PRRC2A: variants seen among roughly 807,000 people sequenced by gnomAD.
The protein encoded by PRRC2A is proline rich coiled-coil 2A.
PRRC2A carries 59 observed loss-of-function variants against 224.6 expected under a neutral mutation model. The observed-to-expected ratio is 0.26, with a 90% CI of 0.21 to 0.33. The LOEUF is 0.33. Among genes scored for constraint, PRRC2A ranks in the 10% least tolerant of loss-of-function variants. PRRC2A has a pLI of 1.00. For synonymous variants in PRRC2A, 1,194 were observed against 1,109.5 expected (o/e 1.08, Z -1.51); for missense variants, 3,095 against 2,880.7 (o/e 1.07, Z -1.70).
Position 31,636,236 on chromosome 6 carries a change from C to T in PRRC2A, c.5652C>T (p.Gly1884=). The change falls in exon 26 of 31, where the codon GGC becomes GGT. Residue 1884 remains glycine (G), a synonymous_variant. Transcript: ENST00000376033. The surrounding 1 kb of genome is among the most constrained non-coding windows in gnomAD (Gnocchi z 4.3). ...CACAGCCCCTATACCTACCCCCCGG[C>T]CCAGCCCCTCCCTCAGCACTGCTCT... ...YRSQPLYLPP[G]PAPPSALLSG... The T allele has an allele frequency of 6.2e-7, 1 of 1,612,898 alleles. No individual in the cohort carries two copies. The highest frequency in any genetic ancestry group is 8.5e-7 in the Non-Finnish European group (1 of 1,179,852).
chr6:31,629,421 C>T (rs1309837645), intron 13 of PRRC2A, 87 bp downstream of exon 13: 2 of 1,488,702 alleles, frequency 1.3e-6, no homozygotes, highest in Non-Finnish European at 1.8e-6. Flanking sequence ...TTCTGGGTCC[C>T]TTTGCTTCTT....
rs371004082 is a variant in PRRC2A at position 31,636,925 on chromosome 6, G to A, written c.6127G>A (p.Ala2043Thr). ...GCCTTCACCTGCCAGGCCCTTCCCCGCTAGCTTGGGGCGAGCAGAGGTAAG... is the reference window on the plus strand; with the variant it reads ...GCCTTCACCTGCCAGGCCCTTCCCCACTAGCTTGGGGCGAGCAGAGGTAAG... Reference protein sequence around the residue: ...VLPSPARPFPASLGRAELHPV... With the variant: ...VLPSPARPFPTSLGRAELHPV... The change falls in exon 28 of 31, where the codon GCT becomes ACT. Residue 2043 changes from alanine (A) to threonine (T), a missense_variant. By Grantham distance (58) the Ala-to-Thr change is moderately conservative. Transcript: ENST00000376033. This position sits in a 1 kb window ranked among gnomAD's most constrained non-coding sequence, Gnocchi z 4.3. 2.8e-5 allele frequency: 45 copies of A among 1,612,778 alleles called. No individual in the cohort carries two copies. The highest frequency in any genetic ancestry group is 4.5e-5 in the East Asian group (2 of 44,890).
chr6:31,628,038 C>T lies in PRRC2A; in HGVS notation c.1564C>T (p.Pro522Ser). 4 of 1,612,830 alleles carry T rather than the reference C, an allele frequency of 2.5e-6. No homozygotes were observed. Among genetic ancestry groups the T allele is most frequent in the Non-Finnish European group, 3.4e-6 (4 of 1,179,866 alleles). The change falls in exon 12 of 31, where the codon CCT becomes TCT. Residue 522 changes from proline (P) to serine (S), a missense_variant. Physicochemically the swap from Pro to Ser is moderately conservative, Grantham distance 74. Transcript: ENST00000376033. Reference sequence around the variant, plus strand: ...TGCCCCTTCTACCCCAGCTCCACCACCTGCAGTCCCTAAAGAACTCCCTGC... The same window carrying T: ...TGCCCCTTCTACCCCAGCTCCACCATCTGCAGTCCCTAAAGAACTCCCTGC... ...PAAPSTPAPPPAVPKELPAPP... is the reference protein window; with the variant it reads ...PAAPSTPAPPSAVPKELPAPP...
chr6:31,629,627 C>T lies in PRRC2A; in HGVS notation c.2036C>T (p.Pro679Leu), dbSNP rs747627656. Residue 679 changes from proline (P) to leucine (L), a missense_variant, in exon 14 of 31, where the codon CCA (proline) becomes CTA (leucine). Coordinates refer to ENST00000376033, the MANE Select transcript of PRRC2A (RefSeq NM_004638.4). ...TCTGCCCCTCCTACCCCAGTGCCCC[C>T]ATCACCACCACAGCCTGTGACCCTG... The part of the protein sequence containing the change: ...QGSAPPTPVP[P>L]SPPQPVTLGA... 1.9e-6 allele frequency: 3 copies of T among 1,612,722 alleles called. No individual in the cohort carries two copies. The highest frequency in any genetic ancestry group is 1.1e-5 in the South Asian group (1 of 91,064).
chr6:31,621,306 GCC>G (rs1041431248), intron 1 of PRRC2A, among the ~76,000 whole-genome samples: 2 of 151,418 alleles, frequency 1.3e-5, no homozygotes, highest in African/African-American at 4.9e-5. Context: ...CCCTCTGGAC[GCC>G]CCTCTTCGTG....
rs149268439 is a variant in PRRC2A, at chr6:31,637,129, A to G, written c.6235A>G (p.Thr2079Ala). 1.1e-4 allele frequency: 171 copies of G among 1,610,924 alleles called. No individual in the cohort carries two copies. The highest frequency in any genetic ancestry group is 1.3e-4 in the Non-Finnish European group (154 of 1,178,818). ...ACCTGGATCATCACGGACTCCCCCAACTGGAAGGTGAAACGGAATAGGGAT... is the reference window on the plus strand; with the variant it reads ...ACCTGGATCATCACGGACTCCCCCAGCTGGAAGGTGAAACGGAATAGGGAT... ...GGPGSSRTPP[T>A]GRSFSGLNSR... Residue 2079 changes from threonine to alanine, a missense_variant, in exon 29 of 31, where the codon ACT becomes GCT. Around this residue, in one of 8 missense-constraint regions of PRRC2A, gnomAD observed 662 missense variants for 609.5 expected, o/e 1.09. Coordinates refer to ENST00000376033, the MANE Select transcript of PRRC2A (RefSeq NM_004638.4).
rs1775826394 is a variant in PRRC2A, at chr6:31,625,674, C to T, written c.759+63C>T. On this transcript the variant is annotated intron_variant, in intron 7 of 30. Coordinates refer to ENST00000376033, the MANE Select transcript of PRRC2A (RefSeq NM_004638.4). This position sits in a 1 kb window ranked among gnomAD's most constrained non-coding sequence, Gnocchi z 4.1. ...GAAGCTGGAGAGCTAGGAATCAGGACTTAGTCTTTGACCTATGAGATAGAA... is the reference window on the plus strand; with the variant it reads ...GAAGCTGGAGAGCTAGGAATCAGGATTTAGTCTTTGACCTATGAGATAGAA... 9 of 1,601,844 alleles carry T rather than the reference C, an allele frequency of 5.6e-6. No individual in the cohort carries two copies. Among genetic ancestry groups the T allele is most frequent in the Non-Finnish European group, 7.7e-6 (9 of 1,169,376 alleles).
Position 31,631,107 on chromosome 6 carries a change from C to T in PRRC2A, c.2466-32C>T. On this transcript the variant is annotated intron_variant, in intron 15 of 30. Transcript: ENST00000376033. This position sits in a 1 kb window ranked among gnomAD's most constrained non-coding sequence, Gnocchi z 4.5. ...ACCTAGTTCTGGTTTTCCTGAGATA[C>T]TTATTTCCATTCTTTCTGTCTGTCT... 2.1e-6 allele frequency: 3 copies of T among 1,447,028 alleles called. No homozygotes were observed. The highest frequency in any genetic ancestry group is 2.8e-6 in the Non-Finnish European group (3 of 1,072,778). The allele number at this position is 1,447,028 out of a possible 1,614,324, so 89.6% of individuals were successfully genotyped here. A position where few individuals can be genotyped will look rare whatever the true frequency, so the allele number is the denominator to read the frequency against.
Position 31,634,331 on chromosome 6 carries a change from C to T in PRRC2A, c.4815C>T (p.Ala1605=), listed in dbSNP as rs1413829907. 3 of 1,612,942 alleles carry T rather than the reference C, an allele frequency of 1.9e-6. No individual in the cohort carries two copies. The highest frequency in any genetic ancestry group is 1.1e-5 in the South Asian group (1 of 91,076). ...AGTCCAGAGATACAGGCACAGAGGC[C>T]CTGACCCCTCACATCTGGAACCGTT... ...QAESRDTGTE[A]LTPHIWNRLH... Residue 1605 remains alanine, a synonymous_variant, in exon 19 of 31, where the codon GCC becomes GCT. Coordinates refer to ENST00000376033, the MANE Select transcript of PRRC2A (RefSeq NM_004638.4).
At position 31,634,477 on chromosome 6, in the gene PRRC2A, A is replaced by G. The variant is rs1049828113; in HGVS notation, c.4855A>G (p.Ser1619Gly). 8 of 1,612,862 alleles carry G rather than the reference A, an allele frequency of 5.0e-6. No individual in the cohort carries two copies. The African/African-American group carries it at 1.1e-4, about 22-fold the overall frequency. The part of the protein sequence containing the change: ...HIWNRLHTAT[S>G]RKSYRPSSME... ...GTTGGTGCTCCCTTCTCCAGCCACT[A>G]GCCGAAAGAGTTACCGGCCCAGCTC... Residue 1619 changes from serine (S) to glycine (G), a missense_variant, in exon 20 of 31, where the codon AGC becomes GGC. This residue lies in a region of PRRC2A where 2,001 missense variants were observed against 1,764.9 expected (regional missense o/e 1.13). Coordinates refer to ENST00000376033, the MANE Select transcript of PRRC2A (RefSeq NM_004638.4).
Position 31,634,001 on chromosome 6 carries a change from G to A in PRRC2A, c.4719+12G>A, listed in dbSNP as rs781456345. 6.2e-7 allele frequency: 1 copy of A among 1,602,098 alleles called. No individual in the cohort carries two copies. The highest frequency in any genetic ancestry group is 8.5e-7 in the Non-Finnish European group (1 of 1,177,354). On this transcript the variant is annotated intron_variant, in intron 18 of 30. Coordinates refer to ENST00000376033, the MANE Select transcript of PRRC2A (RefSeq NM_004638.4). ...AGCTGCTACAGGAGGTAAGGGATGGGTTTGAGATTGTGCTTCACTGCACTC... is the reference window on the plus strand; with the variant it reads ...AGCTGCTACAGGAGGTAAGGGATGGATTTGAGATTGTGCTTCACTGCACTC...
rs1201177452 is a variant in PRRC2A, at chr6:31,634,933, C to T, written c.5116C>T (p.Pro1706Ser). The change falls in exon 21 of 31, where the codon CCT becomes TCT. Residue 1706 changes from proline to serine, a missense_variant. Pro to Ser is a moderately conservative substitution (Grantham distance 74). Around this residue, in one of 8 missense-constraint regions of PRRC2A, gnomAD observed 662 missense variants for 609.5 expected, o/e 1.09. Coordinates refer to ENST00000376033, the MANE Select transcript of PRRC2A (RefSeq NM_004638.4). Reference protein sequence around the residue: ...VPCEGPPGSEPPRRPPPAPHD... With the variant: ...VPCEGPPGSESPRRPPPAPHD... ...TTGTGAGGGTCCACCTGGCTCTGAA[C>T]CTCCTAGGAGACCACCACCTGCCCC... The T allele has an allele frequency of 3.7e-6, 6 of 1,612,680 alleles. No individual in the cohort carries two copies. The highest frequency in any genetic ancestry group is 5.1e-6 in the Non-Finnish European group (6 of 1,179,934).
In PRRC2A at chr6:31,635,396, C is replaced by A. The variant is rs371100221; in HGVS notation, c.5304C>A (p.Asp1768Glu). The A allele has an allele frequency of 6.2e-7, 1 of 1,614,222 alleles. No individual in the cohort carries two copies. Among genetic ancestry groups the A allele is most frequent in the Non-Finnish European group, 8.5e-7 (1 of 1,180,020 alleles). Residue 1768 changes from aspartate (D) to glutamate (E), a missense_variant and splice_region_variant, in exon 23 of 31, where the codon GAC becomes GAA. Coordinates refer to ENST00000376033, the MANE Select transcript of PRRC2A (RefSeq NM_004638.4). ...PPVQFGTSDK[D>E]SDLRLVVGDS... ...CTCCTGCCTTCTTGTGATCACAGGA[C>A]TCAGACTTACGCCTAGTGGTAGGAG...
chr6:31,633,847 T>C lies in PRRC2A; in HGVS notation c.4589-12T>C. 6.4e-7 allele frequency: 1 copy of C among 1,572,338 alleles called. No individual in the cohort carries two copies. The highest frequency in any genetic ancestry group is 2.3e-5 in the East Asian group (1 of 44,380). On this transcript the variant is annotated splice_polypyrimidine_tract_variant and intron_variant, in intron 17 of 30. Coordinates refer to ENST00000376033, the MANE Select transcript of PRRC2A (RefSeq NM_004638.4). The stretch of plus-strand genomic sequence containing the variant: ...GAGCCAGGCAGATGCTGACCCTTTT[T>C]CTCTTTCCCAGACCCCCACTTTGAG...
At position 31,634,965 on chromosome 6, in the gene PRRC2A, T is replaced by C. The variant is rs765369918; in HGVS notation, c.5148T>C (p.Asp1716=). 33 of 1,612,472 alleles carry C rather than the reference T, an allele frequency of 2.0e-5. No homozygotes were observed. The highest frequency in any genetic ancestry group is 1.2e-4 in the Admixed American group (7 of 59,978). ...GGAGACCACCACCTGCCCCCCACGA[T>C]GGGGACAGAAAGGTAAAAGACCAAA... ...PPRRPPPAPH[D]GDRKELPREQ... The change falls in exon 21 of 31, where the codon GAT becomes GAC. Residue 1716 remains aspartate (D), a synonymous_variant. Transcript: ENST00000376033.
rs775287476 is a variant in PRRC2A, at chr6:31,626,995, T to C, written c.1087T>C (p.Ser363Pro). The change falls in exon 11 of 31, where the codon TCA (serine) becomes CCA (proline). Residue 363 changes from serine (S) to proline (P), a missense_variant. By Grantham distance (74) the Ser-to-Pro change is moderately conservative. Coordinates refer to ENST00000376033, the MANE Select transcript of PRRC2A (RefSeq NM_004638.4). ...ATCTGCTCACAGCAGGGATTCCCAA[T>C]CAGCTTCTGGTGAGGAACGGCCCCC... ...EGAEGHRDSQ[S>P]ASGEERPPEA... 1 of 1,614,184 alleles carries C rather than the reference T, an allele frequency of 6.2e-7. No individual in the cohort carries two copies. Among genetic ancestry groups the C allele is most frequent in the Non-Finnish European group, 8.5e-7 (1 of 1,180,042 alleles).
At chr6:31,628,701 T>C (rs1457481120) in intron 12 of PRRC2A, 1 of 215,838 alleles carries the variant, frequency 4.6e-6, no homozygotes, top group Admixed American at 5.2e-5. Context: ...ATTAGCCAAG[T>C]GTGGTGGCAT....
In PRRC2A at chr6:31,631,812, C is replaced by A; in HGVS notation, c.3139C>A (p.Arg1047=). 1 of 1,589,170 alleles carries A rather than the reference C, an allele frequency of 6.3e-7. No individual in the cohort carries two copies. Among genetic ancestry groups the A allele is most frequent in the Non-Finnish European group, 8.6e-7 (1 of 1,166,102 alleles). ...TCGGGGGACCTATGGGGGACGAGGGCGGGGAGCCCGAAGCCGGGAATTCCG... is the reference window on the plus strand; with the variant it reads ...TCGGGGGACCTATGGGGGACGAGGGAGGGGAGCCCGAAGCCGGGAATTCCG... ...GFRGTYGGRG[R]GARSREFRSY... The change falls in exon 16 of 31, where the codon CGG becomes AGG. Residue 1047 remains arginine (R), a synonymous_variant. Transcript: ENST00000376033. The surrounding 1 kb of genome is among the most constrained non-coding windows in gnomAD (Gnocchi z 4.5).
chr6:31,629,479 T>G, intron 13 of PRRC2A, 69 bp from the exon 14 acceptor site: 1 of 1,429,736 alleles, frequency 7.0e-7, no homozygotes, highest in Non-Finnish European at 9.8e-7. Flanking sequence ...GTCCAAGTTT[T>G]TTCTTTGCTG....
Sources: allele counts gnomAD v4.1 joint callset (sites outside exome capture counted in the v4.1 genomes callset), GRCh38; gene constraint gnomAD v4.1.1; regional missense constraint gnomAD v4.1.1; non-coding constraint Gnocchi (gnomAD v3.1); transcripts MANE v1.5; gene names NCBI Gene and HGNC (gene_info 2026-07-23, HGNC 2026-07-21).